Variants in ABLIM1 observed in about 807,000 individuals in gnomAD.
The protein encoded by ABLIM1 is actin binding LIM protein 1.
A neutral mutation model predicts 107.0 loss-of-function variants in ABLIM1; 40 were observed. The ratio of observed to expected loss-of-function variants is 0.37; its 90% CI spans 0.29 to 0.49. ABLIM1 has a LOEUF of 0.49. Ranked by LOEUF, ABLIM1 falls within the 20% of genes least tolerant of loss-of-function variation. The probability of loss-of-function intolerance (pLI) is 0.97; values close to 1 mark genes in which losing one functional copy is unlikely to be tolerated. For synonymous variants in ABLIM1, 357 were observed against 357.3 expected (o/e 1.00, Z 0.01); for missense variants, 857 against 1,008.5 (o/e 0.85, Z 2.04).
intron 6 of ABLIM1, among the ~76,000 whole-genome samples, chr10:114,510,241 T>C (rs910488127): frequency 5.9e-5 from 9 of 152,308 alleles, no homozygotes; most frequent in East Asian, 5.8e-4. Flanking sequence ...TTTAAAAAAG[T>C]ATAGTTGCCT....
intron 1 of ABLIM1, among the ~76,000 whole-genome samples, chr10:114,766,821 C>T (rs1377043039): frequency 6.6e-6 from 1 of 152,154 alleles, no homozygotes; most frequent in Non-Finnish European, 1.5e-5. Flanking sequence ...ACACCAAGTC[C>T]CTTATGGTGT....
intron 6 of ABLIM1, among the ~76,000 whole-genome samples, chr10:114,519,923 G>A (rs924648046): frequency 6.6e-6 from 1 of 152,260 alleles, no homozygotes; most frequent in Non-Finnish European, 1.5e-5. Context: ...ACTGGATTAT[G>A]TGCCAAGGAA....
intron 6 of ABLIM1, among the ~76,000 whole-genome samples, chr10:114,512,747 C>T (rs2062060298): frequency 6.6e-6 from 1 of 151,742 alleles, no homozygotes; most frequent in African/African-American, 2.4e-5. Context: ...ATCGCTTGAA[C>T]CCAGGAAGTG....
intron 1 of ABLIM1, among the ~76,000 whole-genome samples, chr10:114,715,334 A>G (rs1456358765): frequency 6.6e-6 from 1 of 152,154 alleles, no homozygotes; most frequent in Non-Finnish European, 1.5e-5. Flanking sequence ...CAAACACACC[A>G]AAGATCAGTA....
At chr10:114,460,067 A>G (rs1304622112) in intron 12 of ABLIM1, among the ~76,000 whole-genome samples, 1 of 152,208 alleles carries the variant, frequency 6.6e-6, no homozygotes, top group African/African-American at 2.4e-5. Flanking sequence ...TTTCTGGCTA[A>G]AAGGGATGAA....
chr10:114,637,274 G>A (rs2078529566), intron 1 of ABLIM1, among the ~76,000 whole-genome samples: 1 of 152,118 alleles, frequency 6.6e-6, no homozygotes, highest in Non-Finnish European at 1.5e-5. Context: ...TATATACCAT[G>A]CCATCAGATC....
intron 1 of ABLIM1, among the ~76,000 whole-genome samples, chr10:114,718,030 G>A (rs200130137): frequency 0.021 from 1,749 of 81,686 alleles, 51 homozygotes; most frequent in African/African-American, 0.059. Context: ...AAGGAAGGAA[G>A]GAGAAAGAGA....
chr10:114,561,186 C>T (rs2069645463), intron 4 of ABLIM1, among the ~76,000 whole-genome samples: 3 of 152,176 alleles, frequency 2.0e-5, no homozygotes, highest in Non-Finnish European at 4.4e-5. Flanking sequence ...CATACCCGGG[C>T]TCTGGCCAAA....
chr10:114,562,243 G>A (rs7915452), intron 4 of ABLIM1, among the ~76,000 whole-genome samples: 56,323 of 151,670 alleles, frequency 0.37, 13,724 homozygotes, highest in African/African-American at 0.7. Context: ...TTAAAAACAT[G>A]TTTTGGCCAG....
At chr10:114,701,525 C>T (rs1342166727) in intron 1 of ABLIM1, among the ~76,000 whole-genome samples, 1 of 152,010 alleles carries the variant, frequency 6.6e-6, no homozygotes, top group Non-Finnish European at 1.5e-5. Flanking sequence ...GAATGTCCAT[C>T]AATAGAATGG....
At chr10:114,694,975 A>G (rs1374879018) in intron 1 of ABLIM1, among the ~76,000 whole-genome samples, 1 of 152,218 alleles carries the variant, frequency 6.6e-6, no homozygotes, top group Admixed American at 6.5e-5. Flanking sequence ...CGGACTCTCC[A>G]GGTACTGAAT....
rs112287687 is a variant in ABLIM1, at chr10:114,556,591, G to A, written c.674-8815C>T. Among the ~76,000 whole-genome samples, 89 of 152,148 alleles carry A rather than the reference G, an allele frequency of 5.8e-4. 1 individual carries two copies. The highest frequency in any genetic ancestry group is 2.1e-3 in the African/African-American group (87 of 41,440). On this transcript the variant is annotated intron_variant, in intron 4 of 22. Coordinates refer to ENST00000533213, the MANE Select transcript of ABLIM1 (RefSeq NM_002313.7). ...TATGTTATTTTTGTATAAGAGTTGG[G>A]CAGCAGTTTTGACATCTTTGAGGCA...
intron 8 of ABLIM1, among the ~76,000 whole-genome samples, chr10:114,481,487 G>A (rs192126531): frequency 6.6e-6 from 1 of 151,918 alleles, no homozygotes; most frequent in African/African-American, 2.4e-5. Context: ...ACCTGCCTTG[G>A]GTTTTTGTTG....
chr10:114,559,308 G>A (rs1434730313), intron 4 of ABLIM1, among the ~76,000 whole-genome samples: 1 of 151,850 alleles, frequency 6.6e-6, no homozygotes. Flanking sequence ...CAACCTTGAA[G>A]ATTCTGATTT....
chr10:114,612,960 C>A (rs1351260357), intron 1 of ABLIM1, among the ~76,000 whole-genome samples: 2 of 152,146 alleles, frequency 1.3e-5, no homozygotes, highest in African/African-American at 4.8e-5. Flanking sequence ...AAAACAAAAA[C>A]CAAAAACCAA....
At chr10:114,436,437 G>A (rs563555986) in intron 22 of ABLIM1, 64 bp from the exon 23 acceptor site, 1 of 1,251,554 alleles carries the variant, frequency 8.0e-7, no homozygotes, top group Admixed American at 1.9e-5. Flanking sequence ...ATGGCCTTGA[G>A]CGTTGCTCTA....
the ABLIM1 span, among the ~76,000 whole-genome samples, chr10:114,799,986 G>T: frequency 1.3e-5 from 2 of 152,134 alleles, no homozygotes; most frequent in Non-Finnish European, 2.9e-5. Context: ...TTTTGCCCAG[G>T]CTGGTCTCGA....
intron 2 of ABLIM1, among the ~76,000 whole-genome samples, chr10:114,584,564 G>A (rs1281706630): frequency 6.6e-6 from 1 of 152,172 alleles, no homozygotes; most frequent in Non-Finnish European, 1.5e-5. Flanking sequence ...GCTCAAAATA[G>A]CTGAGCAGAG....
intron 1 of ABLIM1, among the ~76,000 whole-genome samples, chr10:114,695,456 A>C (rs926523999): frequency 2.0e-5 from 3 of 152,138 alleles, no homozygotes; most frequent in Non-Finnish European, 4.4e-5. Flanking sequence ...ACCAAATTAA[A>C]TGGGGGAAAG....
Sources: allele counts gnomAD v4.1 joint callset (sites outside exome capture counted in the v4.1 genomes callset), GRCh38; gene constraint gnomAD v4.1.1; transcripts MANE v1.5; gene names NCBI Gene and HGNC (gene_info 2026-07-23, HGNC 2026-07-21).